KLHL3: variants seen among roughly 807,000 people sequenced by gnomAD.
KLHL3 encodes the protein kelch like family member 3.
A neutral mutation model predicts 70.5 loss-of-function variants in KLHL3; 19 were observed. The ratio of observed to expected loss-of-function variants is 0.27; its 90% CI spans 0.19 to 0.40. The LOEUF is 0.40. KLHL3 is among the 10% of genes least tolerant of loss of function. The probability of loss-of-function intolerance (pLI) is 1.00; values close to 1 mark genes in which losing one functional copy is unlikely to be tolerated. For synonymous variants in KLHL3, 258 were observed against 290.3 expected, an observed-to-expected ratio of 0.89 and a Z score of 1.13; for missense variants, 512 against 771.1, an observed-to-expected ratio of 0.66 and a Z score of 3.98.
chr5:137,718,106 T>C (rs1007197202), intron 2 of KLHL3, among the ~76,000 whole-genome samples: 2 of 152,218 alleles, frequency 1.3e-5, no homozygotes, highest in African/African-American at 2.4e-5. Context: ...GTACAGTATA[T>C]AGCATTCTTC....
chr5:137,666,308 G>A (rs1374443612), intron 6 of KLHL3, among the ~76,000 whole-genome samples: 1 of 152,164 alleles, frequency 6.6e-6, no homozygotes, highest in African/African-American at 2.4e-5. Flanking sequence ...TGCCAGGTTA[G>A]GTGATGGGCA....
intron 4 of KLHL3, among the ~76,000 whole-genome samples, chr5:137,696,074 G>GC (rs1752437662): frequency 6.6e-6 from 1 of 151,398 alleles, no homozygotes; most frequent in Non-Finnish European, 1.5e-5. Flanking sequence ...GCCCCGTTTT[G>GC]TTTTTTTTTC....
At chr5:137,721,598 G>A (rs1180552889) in intron 1 of KLHL3, among the ~76,000 whole-genome samples, 1 of 152,208 alleles carries the variant, frequency 6.6e-6, no homozygotes, top group Non-Finnish European at 1.5e-5. Context: ...GACTAACTGA[G>A]TAAGTAGAAA....
intron 5 of KLHL3, among the ~76,000 whole-genome samples, chr5:137,690,995 G>A (rs949901635): frequency 1.3e-5 from 2 of 152,102 alleles, no homozygotes; most frequent in Non-Finnish European, 2.9e-5. Context: ...CTTCAGGCTG[G>A]AACAAGTGGC....
At chr5:137,722,778 T>C (rs1753020661) in intron 1 of KLHL3, among the ~76,000 whole-genome samples, 1 of 152,160 alleles carries the variant, frequency 6.6e-6, no homozygotes, top group Non-Finnish European at 1.5e-5. Flanking sequence ...GTGATTCTCG[T>C]GCCTTAGCCT....
chr5:137,710,880 A>G (rs777933274), intron 2 of KLHL3, among the ~76,000 whole-genome samples: 1 of 152,166 alleles, frequency 6.6e-6, no homozygotes, highest in Non-Finnish European at 1.5e-5. Flanking sequence ...CAGAGAAGTA[A>G]TTTTCCCAAG....
intron 3 of KLHL3, among the ~76,000 whole-genome samples, chr5:137,707,172 T>C (rs569860566): frequency 6.6e-6 from 1 of 152,224 alleles, no homozygotes. Context: ...CAGTGGCTCA[T>C]GCCTGTAATC....
intron 13 of KLHL3, among the ~76,000 whole-genome samples, chr5:137,627,345 T>C (rs1187474287): frequency 1.3e-5 from 2 of 152,088 alleles, no homozygotes; most frequent in Non-Finnish European, 2.9e-5. Flanking sequence ...CACATTTACA[T>C]CTAAACTGAA....
chr5:137,678,850 C>T (rs1239330163), intron 5 of KLHL3, among the ~76,000 whole-genome samples: 1 of 152,052 alleles, frequency 6.6e-6, no homozygotes, highest in Non-Finnish European at 1.5e-5. Flanking sequence ...TGCTCTACAC[C>T]AGCCTATTGA....
chr5:137,655,506 T>C (rs1751313471), intron 8 of KLHL3, among the ~76,000 whole-genome samples: 1 of 152,188 alleles, frequency 6.6e-6, no homozygotes, highest in African/African-American at 2.4e-5. Flanking sequence ...AAAATATTTC[T>C]AAACATGACA....
intron 3 of KLHL3, among the ~76,000 whole-genome samples, chr5:137,704,278 G>A (rs1752635584): frequency 6.6e-6 from 1 of 152,092 alleles, no homozygotes; most frequent in Non-Finnish European, 1.5e-5. Context: ...CCAGCTACTG[G>A]GGAGGCTGAG....
rs1327596339 is a variant in KLHL3, at chr5:137,658,296, C to T, written c.754-16G>A. ...CTTCAACCGTCTAGAGGTAATAATC[C>T]ACAGATGATCCTGGAGCACAGCTCA... On this transcript the variant is annotated splice_polypyrimidine_tract_variant and intron_variant, in intron 7 of 14. Transcript: ENST00000309755. 3.7e-6 allele frequency: 6 copies of T among 1,613,544 alleles called. No individual in the cohort carries two copies. The highest frequency in any genetic ancestry group is 5.1e-6 in the Non-Finnish European group (6 of 1,179,656).
At chr5:137,725,727 T>C (rs1753075255) in intron 1 of KLHL3, among the ~76,000 whole-genome samples, 1 of 152,230 alleles carries the variant, frequency 6.6e-6, no homozygotes, top group Non-Finnish European at 1.5e-5. Context: ...GCACCAGATA[T>C]CTGGCTCAAT....
chr5:137,692,749 AT>A (rs1280275353), intron 4 of KLHL3: 1 of 301,270 alleles, frequency 3.3e-6, no homozygotes, highest in Non-Finnish European at 6.4e-6. Flanking sequence ...GAGAGCCTGC[AT>A]TTCTAATAAG....
chr5:137,669,367 G>C (rs113785664), intron 6 of KLHL3, among the ~76,000 whole-genome samples: 2 of 152,104 alleles, frequency 1.3e-5, no homozygotes, highest in Non-Finnish European at 2.9e-5. Flanking sequence ...CTGCCACACA[G>C]AGAAATATTT....
At chr5:137,651,009 A>T (rs1393569005) in intron 8 of KLHL3, among the ~76,000 whole-genome samples, 2 of 152,198 alleles carry the variant, frequency 1.3e-5, no homozygotes, top group Admixed American at 6.5e-5. Flanking sequence ...TCTAGGGTCA[A>T]CCTACATTAG....
intron 1 of KLHL3, among the ~76,000 whole-genome samples, chr5:137,731,166 A>C (rs1347823512): frequency 6.6e-6 from 1 of 152,234 alleles, no homozygotes; most frequent in Non-Finnish European, 1.5e-5. Context: ...CTAAAAATCC[A>C]AATCTGGGTG....
intron 6 of KLHL3, chr5:137,672,626 A>T (rs1475399322): frequency 1.3e-5 from 2 of 152,224 alleles, no homozygotes; most frequent in Non-Finnish European, 1.5e-5. Context: ...ATAGTGTTTC[A>T]TAAGAAGGCA....
intron 3 of KLHL3, among the ~76,000 whole-genome samples, chr5:137,698,927 C>T (rs1482515371): frequency 1.3e-5 from 2 of 152,166 alleles, no homozygotes; most frequent in Non-Finnish European, 2.9e-5. Context: ...TTAATCCTCA[C>T]AACAACCTTG....
Sources: allele counts gnomAD v4.1 joint callset (sites outside exome capture counted in the v4.1 genomes callset), GRCh38; gene constraint gnomAD v4.1.1; transcripts MANE v1.5; gene names NCBI Gene and HGNC (gene_info 2026-07-23, HGNC 2026-07-21).